CLIP2: variants seen among roughly 807,000 people sequenced by gnomAD.
CLIP2 encodes CAP-Gly domain-containing linker protein 2.
CLIP2 carries 41 observed loss-of-function variants against 111.7 expected under a neutral mutation model. The ratio of observed to expected loss-of-function variants is 0.37; its 90% CI spans 0.29 to 0.48. The LOEUF (loss-of-function observed/expected upper bound fraction) is 0.48. Ranked by LOEUF, CLIP2 falls within the 20% of genes least tolerant of loss-of-function variation. The pLI, the probability that CLIP2 is intolerant of heterozygous loss-of-function variation, is 0.99. For missense variants in CLIP2, 1,160 were observed against 1,422.1 expected (o/e 0.82, Z 2.96); for synonymous variants, 660 against 644.2 (o/e 1.02, Z -0.37).
At chr7:74,390,715 C>G (rs1053163787) in intron 13 of CLIP2, among the ~76,000 whole-genome samples, 11 of 114,106 alleles carry the variant, frequency 9.6e-5, no homozygotes, top group Admixed American at 2.6e-4. Context: ...AAGTAGCATG[C>G]TTTTGATAAA....
chr7:74,327,483 C>CT (rs1584328761), intron 2 of CLIP2, among the ~76,000 whole-genome samples: 1 of 152,144 alleles, frequency 6.6e-6, no homozygotes, highest in East Asian at 1.9e-4. Context: ...CCTGAAGTGC[C>CT]CGAGGTGGGG....
In CLIP2 at chr7:74,373,046, C is replaced by T; in HGVS notation, c.1485+10C>T. 1.3e-6 allele frequency: 2 copies of T among 1,545,728 alleles called. No homozygotes were observed. Among genetic ancestry groups the T allele is most frequent in the Non-Finnish European group, 1.8e-6 (2 of 1,141,976 alleles). On this transcript the variant is annotated intron_variant, in intron 9 of 16. Transcript: ENST00000223398. ...ATTAGCGGACAACAGGGTAACCGCG[C>T]CACCGCACCCGCCTGGCCCGCCAGC...
rs541655181 is a variant in CLIP2, at chr7:74,362,192, TC to T, written c.1319+1916del. On this transcript the variant is annotated intron_variant, in intron 7 of 16. Coordinates refer to ENST00000223398, the MANE Select transcript of CLIP2 (RefSeq NM_003388.5). ...GCGGTGGGGACTCTGGCCGACTTGG[TC>T]CTGGGTCACCTCCTTGTAGGACACA... 1.2e-4 allele frequency among the ~76,000 whole-genome samples: 19 copies of T among 152,086 alleles called. No individual in the cohort carries two copies. The South Asian group carries it at 3.9e-3, about 32-fold the overall frequency.
chr7:74,333,431 A>C (rs979815003), intron 2 of CLIP2, among the ~76,000 whole-genome samples: 19 of 150,708 alleles, frequency 1.3e-4, no homozygotes, highest in African/African-American at 4.4e-4. Flanking sequence ...TGATCCACCC[A>C]CCTCGGCCTC....
chr7:74,379,748 G>C (rs1352139190), intron 10 of CLIP2, among the ~76,000 whole-genome samples: 1 of 151,640 alleles, frequency 6.6e-6, no homozygotes, highest in South Asian at 2.1e-4. Flanking sequence ...CCTGGGCGAC[G>C]GAGTGAGACT....
chr7:74,364,960 G>C, intron 8 of CLIP2: 1 of 434,796 alleles, frequency 2.3e-6, no homozygotes, highest in Admixed American at 2.4e-5. Flanking sequence ...GGAGATGGAG[G>C]CTGCAGTGAG....
chr7:74,364,993 T>TTTGTGTG (rs1491163760), intron 8 of CLIP2: 2 of 263,870 alleles, frequency 7.6e-6, no homozygotes, highest in Non-Finnish European at 7.5e-6. Context: ...CTGTTTTTTG[T>TTTGTGTG]TGTGTGTGTG....
chr7:74,355,970 G>A (rs180787060), intron 4 of CLIP2, among the ~76,000 whole-genome samples: 152 of 152,296 alleles, frequency 1.0e-3, no homozygotes, highest in South Asian at 4.4e-3. Context: ...CAAGCTTAGC[G>A]GGTGTTGGAG....
chr7:74,315,985 C>A (rs988174826), intron 1 of CLIP2, among the ~76,000 whole-genome samples: 4 of 151,458 alleles, frequency 2.6e-5, no homozygotes, highest in African/African-American at 9.7e-5. Flanking sequence ...AACCCATCAC[C>A]TAGGTATTAA....
chr7:74,358,904 T>A (rs1333179439), intron 6 of CLIP2, among the ~76,000 whole-genome samples: 2 of 152,178 alleles, frequency 1.3e-5, no homozygotes, highest in Non-Finnish European at 2.9e-5. Context: ...TTGCTGTCTA[T>A]CACAGGCTTT....
At chr7:74,385,953 G>A (rs1448102279) in intron 11 of CLIP2, among the ~76,000 whole-genome samples, 1 of 151,358 alleles carries the variant, frequency 6.6e-6, no homozygotes, top group East Asian at 1.9e-4. Context: ...TGTTGGTCAG[G>A]CTGGTCTCGA....
At chr7:74,329,812 C>G (rs782227875) in intron 2 of CLIP2, among the ~76,000 whole-genome samples, 4 of 152,060 alleles carry the variant, frequency 2.6e-5, no homozygotes, top group Non-Finnish European at 5.9e-5. Context: ...CAGAGTCTTG[C>G]TCTGTGGCCC....
chr7:74,401,384 G>A, intron 15 of CLIP2, 121 bp from the exon 16 acceptor site: 1 of 897,730 alleles, frequency 1.1e-6, no homozygotes, highest in Non-Finnish European at 1.8e-6. Context: ...GGGAGCCCCA[G>A]GCTGAAGGGG....
chr7:74,357,547 G>A (rs781894089), intron 6 of CLIP2, 70 bp downstream of exon 6: 88 of 1,403,370 alleles, frequency 6.3e-5, no homozygotes, highest in African/African-American at 1.0e-4. Flanking sequence ...CACTCAGAGC[G>A]GAGACCCTGG....
At chr7:74,333,227 A>G (rs782635880) in intron 2 of CLIP2, among the ~76,000 whole-genome samples, 9 of 152,178 alleles carry the variant, frequency 5.9e-5, no homozygotes, top group Non-Finnish European at 1.0e-4. Flanking sequence ...TCTGTCGCCC[A>G]GGCTGGAATG....
At chr7:74,330,774 G>C (rs2116536406) in intron 2 of CLIP2, among the ~76,000 whole-genome samples, 1 of 152,176 alleles carries the variant, frequency 6.6e-6, no homozygotes, top group Non-Finnish European at 1.5e-5. Flanking sequence ...ACTGCTCCTT[G>C]GTTTGGAGGC....
intron 13 of CLIP2, among the ~76,000 whole-genome samples, chr7:74,396,371 G>A (rs1791448298): frequency 6.6e-6 from 1 of 152,074 alleles, no homozygotes; most frequent in Non-Finnish European, 1.5e-5. Flanking sequence ...AGATGACCCT[G>A]GGCGACATAG....
intron 2 of CLIP2, among the ~76,000 whole-genome samples, chr7:74,325,093 G>A (rs1193967883): frequency 6.6e-6 from 1 of 152,192 alleles, no homozygotes; most frequent in African/African-American, 2.4e-5. Flanking sequence ...GGTTGTGGCT[G>A]CCTCCCAAAA....
intron 1 of CLIP2, among the ~76,000 whole-genome samples, chr7:74,310,033 C>G (rs2116483567): frequency 2.5e-5 from 1 of 39,338 alleles, no homozygotes; most frequent in South Asian, 7.7e-4. Context: ...GACCCTGTCT[C>G]TACAAAAAAA....
Sources: allele counts gnomAD v4.1 joint callset (sites outside exome capture counted in the v4.1 genomes callset), GRCh38; gene constraint gnomAD v4.1.1; transcripts MANE v1.5; gene names NCBI Gene and HGNC (gene_info 2026-07-23, HGNC 2026-07-21).